Variants in KLHL1 observed in about 807,000 individuals in gnomAD.
The protein encoded by KLHL1 is kelch like family member 1.
In KLHL1, 47 loss-of-function variants were observed where a neutral mutation model predicts 77.7. The ratio of observed to expected loss-of-function variants is 0.60; its 90% CI spans 0.48 to 0.77. The LOEUF is 0.77. Ranked by LOEUF, KLHL1 falls within the 30% of genes least tolerant of loss-of-function variation. The pLI, the probability that KLHL1 is intolerant of heterozygous loss-of-function variation, is 0.00. For synonymous variants in KLHL1, 360 were observed against 325.2 expected, an observed-to-expected ratio of 1.11 and a Z score of -1.15; for missense variants, 925 against 910.8, an observed-to-expected ratio of 1.02 and a Z score of -0.20.
chr13:69,876,199 T>G (rs1306231475), intron 5 of KLHL1, among the ~76,000 whole-genome samples: 2 of 152,224 alleles, frequency 1.3e-5, no homozygotes, highest in East Asian at 3.8e-4. Context: ...GAGTGTAATC[T>G]GCTCTGTATA....
intron 7 of KLHL1, among the ~76,000 whole-genome samples, chr13:69,784,763 T>C (rs990046430): frequency 0.012 from 1,794 of 151,710 alleles, 22 homozygotes; most frequent in African/African-American, 0.04. Context: ...ACTGTCAATA[T>C]TAGACAGATC....
chr13:69,725,093 C>A (rs1414560687), intron 8 of KLHL1, among the ~76,000 whole-genome samples: 1 of 152,102 alleles, frequency 6.6e-6, no homozygotes, highest in Non-Finnish European at 1.5e-5. Flanking sequence ...ACCTGTCCAA[C>A]CTTTGCCCTG....
chr13:70,027,649 G>GTTTTTT lies in KLHL1; in HGVS notation c.498-51848_498-51847insAAAAAA, dbSNP rs1185282462. The stretch of plus-strand genomic sequence containing the variant: ...GGCATTTTTGAAGCGCAAAATGTAA[G>GTTTTTT]TTGTTTTTTTTTTTTTATGAACTGA... On this transcript the variant is annotated intron_variant, in intron 1 of 10. Coordinates refer to ENST00000377844, the MANE Select transcript of KLHL1 (RefSeq NM_020866.3). Among the ~76,000 whole-genome samples, 391 of 109,318 alleles carry GTTTTTT rather than the reference G, an allele frequency of 3.6e-3. 14 individuals carry two copies. The highest frequency in any genetic ancestry group is 0.011 in the South Asian group (40 of 3,536). The allele number at this position is 109,318 out of a possible 152,430, so 71.7% of individuals were successfully genotyped here.
At chr13:69,782,483 G>T (rs534631085) in intron 7 of KLHL1, among the ~76,000 whole-genome samples, 4 of 152,182 alleles carry the variant, frequency 2.6e-5, no homozygotes, top group African/African-American at 9.7e-5. Flanking sequence ...CTTTTCCAAC[G>T]GGCTTAAAAA....
Position 69,743,477 on chromosome 13 carries a change from G to T in KLHL1, c.1640-2921C>A, listed in dbSNP as rs569869924. The stretch of plus-strand genomic sequence containing the variant: ...GAATTTACTAATAGAATGTATAGGG[G>T]TATATGAATAGAAAGAACAAATCAG... On this transcript the variant is annotated intron_variant, in intron 7 of 10. Transcript: ENST00000377844. Among the ~76,000 whole-genome samples, 24 of 152,138 alleles carry T rather than the reference G, an allele frequency of 1.6e-4. 1 individual carries two copies. In the East Asian group the frequency reaches 4.3e-3, roughly 27 times the overall value.
intron 6 of KLHL1, among the ~76,000 whole-genome samples, chr13:69,834,998 G>A (rs191382209): frequency 1.2e-3 from 184 of 152,140 alleles, no homozygotes; most frequent in African/African-American, 4.1e-3. Context: ...TAGAGATGTA[G>A]AAGTTATAAC....
At chr13:69,780,016 C>A (rs981070343) in intron 7 of KLHL1, among the ~76,000 whole-genome samples, 8 of 151,324 alleles carry the variant, frequency 5.3e-5, no homozygotes, top group Non-Finnish European at 1.0e-4. Flanking sequence ...GTTGGCCAGG[C>A]TTGTCTCTAT....
rs369748220 is a variant in KLHL1 at position 69,780,757 on chromosome 13, T to TACAC, written c.1639+15977_1639+15980dup. Among the ~76,000 whole-genome samples the TACAC allele has an allele frequency of 5.5e-5, 7 of 128,116 alleles. No homozygotes were observed. The South Asian group carries it at 1.4e-3, about 26-fold the overall frequency. 84.0% of individuals were successfully genotyped at this position (128,116 alleles called of 152,430 possible). On this transcript the variant is annotated intron_variant, in intron 7 of 10. Transcript: ENST00000377844. ...ACATATATATATACATATATATATA[T>TACAC]ACACACACATTTATATATAACATAT...
chr13:69,879,176 C>T (rs1003548521), intron 5 of KLHL1, among the ~76,000 whole-genome samples: 12 of 151,996 alleles, frequency 7.9e-5, no homozygotes, highest in Non-Finnish European at 1.3e-4. Context: ...GCACGTTGTG[C>T]ACATGTACCC....
At chr13:69,905,331 A>T (rs1882010222) in intron 4 of KLHL1, among the ~76,000 whole-genome samples, 1 of 152,096 alleles carries the variant, frequency 6.6e-6, no homozygotes, top group Non-Finnish European at 1.5e-5. Flanking sequence ...ACTAATTTTT[A>T]AAAATTGTAT....
intron 1 of KLHL1, among the ~76,000 whole-genome samples, chr13:69,983,625 T>C (rs980585243): frequency 3.0e-5 from 4 of 134,700 alleles, no homozygotes; most frequent in Non-Finnish European, 6.2e-5. Flanking sequence ...AAAAAAGCTG[T>C]GTTTGATGGT....
At chr13:69,837,737 C>A (rs1180779448) in intron 6 of KLHL1, among the ~76,000 whole-genome samples, 1 of 148,836 alleles carries the variant, frequency 6.7e-6, no homozygotes, top group Non-Finnish European at 1.5e-5. Flanking sequence ...ATCAAAATCA[C>A]CATCCAGATT....
At chr13:69,943,659 G>A (rs907002547) in intron 3 of KLHL1, among the ~76,000 whole-genome samples, 2 of 151,346 alleles carry the variant, frequency 1.3e-5, no homozygotes, top group Admixed American at 6.6e-5. Context: ...TTTGAAATGT[G>A]TATCTGCTGT....
intron 1 of KLHL1, among the ~76,000 whole-genome samples, chr13:70,013,340 A>T (rs1436195928): frequency 6.6e-6 from 1 of 152,218 alleles, no homozygotes; most frequent in East Asian, 1.9e-4. Context: ...GTAATGATAT[A>T]TTACATGGCT....
intron 1 of KLHL1, among the ~76,000 whole-genome samples, chr13:70,056,308 G>A (rs1886742962): frequency 6.6e-6 from 1 of 151,986 alleles, no homozygotes; most frequent in Non-Finnish European, 1.5e-5. Context: ...AAATATATAT[G>A]CACTGAATAC....
In KLHL1 at chr13:70,084,461, C is replaced by CTTTTTTTTTTTTTTTTTTTTTTTTT. The variant is rs1324246935; in HGVS notation, c.497+22741_497+22742insAAAAAAAAAAAAAAAAAAAAAAAAA. On this transcript the variant is annotated intron_variant, in intron 1 of 10. Coordinates refer to ENST00000377844, the MANE Select transcript of KLHL1 (RefSeq NM_020866.3). The stretch of plus-strand genomic sequence containing the variant: ...GATATTTTCTAGTCTATTTCTTCTT[C>CTTTTTTTTTTTTTTTTTTTTTTTTT]TTCTTTTTTTTTTTTTGAGACGGAG... Among the ~76,000 whole-genome samples, 3 of 115,104 alleles carry CTTTTTTTTTTTTTTTTTTTTTTTTT rather than the reference C, an allele frequency of 2.6e-5. 1 individual carries two copies. Among genetic ancestry groups the CTTTTTTTTTTTTTTTTTTTTTTTTT allele is most frequent in the Non-Finnish European group, 5.1e-5 (3 of 58,438 alleles). 75.5% of individuals were successfully genotyped at this position (115,104 alleles called of 152,430 possible).
chr13:69,816,261 TTTC>T (rs1878118046), intron 6 of KLHL1, among the ~76,000 whole-genome samples: 1 of 151,384 alleles, frequency 6.6e-6, no homozygotes, highest in East Asian at 1.9e-4. Flanking sequence ...GAAAATTTTT[TTTC>T]TTTTTTTTTT....
Position 69,932,233 on chromosome 13 carries a change from T to A in KLHL1, c.1014+7807A>T, listed in dbSNP as rs1045897881. ...CTGATTTTTACCTGATCAGAAAATA[T>A]AAATATTTTACAACATTGGTTCATG... On this transcript the variant is annotated intron_variant, in intron 4 of 10. Coordinates refer to ENST00000377844, the MANE Select transcript of KLHL1 (RefSeq NM_020866.3). Among the ~76,000 whole-genome samples, 14 of 151,772 alleles carry A rather than the reference T, an allele frequency of 9.2e-5. 1 individual carries two copies. The highest frequency in any genetic ancestry group is 7.2e-4 in the Admixed American group (11 of 15,206).
intron 1 of KLHL1, among the ~76,000 whole-genome samples, chr13:69,989,653 T>C (rs944714203): frequency 6.6e-6 from 1 of 152,048 alleles, no homozygotes; most frequent in South Asian, 2.1e-4. Context: ...TGTTTTGTAA[T>C]TCTCATTGTA....
Sources: gnomAD v4.1 joint callset for allele counts (sites outside exome capture counted in the v4.1 genomes callset) on GRCh38, gnomAD v4.1.1 for gene constraint, MANE v1.5 for transcripts, NCBI Gene and HGNC (gene_info 2026-07-23, HGNC 2026-07-21) for gene names.